The following CALHM2 variants were observed in gnomAD, a reference collection of about 807,000 sequenced individuals.
CALHM2 encodes calcium homeostasis modulator family member 2.
CALHM2 carries 18 observed loss-of-function variants against 20.4 expected under a neutral mutation model. That is an observed-to-expected ratio of 0.88 (90% confidence interval 0.61 to 1.31). CALHM2 has a LOEUF of 1.31. Among genes scored for constraint, CALHM2 ranks in the 50% most tolerant of loss-of-function variants. The probability of loss-of-function intolerance (pLI) is 0.00; values close to 1 mark genes in which losing one functional copy is unlikely to be tolerated. For missense variants in CALHM2, 411 were observed against 435.7 expected (o/e 0.94, Z 0.50); for synonymous variants, 193 against 192.1 (o/e 1.00, Z -0.04).
intron 3 of CALHM2, 94 bp from the exon 4 acceptor site, chr10:103,447,662 T>C (rs2032727651): frequency 6.4e-6 from 7 of 1,094,014 alleles, no homozygotes; most frequent in Admixed American, 2.9e-5. Context: ...TCTGCTTGGG[T>C]AAGAGAAGCA....
In CALHM2 at chr10:103,451,305, G is replaced by C. The variant is rs1197191021; in HGVS notation, c.-361-20C>G. 6.6e-6 allele frequency: 1 copy of C among 152,504 alleles called. No individual in the cohort carries two copies. Among genetic ancestry groups the C allele is most frequent in the Admixed American group, 6.5e-5 (1 of 15,282 alleles). 9.4% of individuals were successfully genotyped at this position (152,504 alleles called of 1,614,324 possible). A position where few individuals can be genotyped will look rare whatever the true frequency, so the allele number is the denominator to read the frequency against. On this transcript the variant is annotated intron_variant, in intron 1 of 3. Transcript: ENST00000260743. ...GGCAACCTGCCGGGAAGTGGCCATG[G>C]CCTCGGGCAACAGCGAAGTTTAGCC...
chr10:103,448,581 G>A (rs570140724), intron 3 of CALHM2, among the ~76,000 whole-genome samples: 1 of 151,950 alleles, frequency 6.6e-6, no homozygotes, highest in East Asian at 2.0e-4. Flanking sequence ...TTAGGTGGAT[G>A]TGGTGGCTGC....
rs145251792 is a variant in CALHM2, at chr10:103,449,592, C to T, written c.350G>A (p.Trp117Ter). 2.1e-5 allele frequency: 34 copies of T among 1,613,720 alleles called. No homozygotes were observed. The highest frequency in any genetic ancestry group is 6.7e-5 in the Admixed American group (4 of 60,006). Residue 117 changes from tryptophan to a stop codon, truncating the protein, a stop_gained, in exon 3 of 4, where the codon TGG (tryptophan) becomes TAG (stop). Coordinates refer to ENST00000260743, the MANE Select transcript of CALHM2 (RefSeq NM_015916.5). LOFTEE classifies it high-confidence loss of function. Reference sequence around the variant, plus strand: ...ACCACGCAGCAGGGAGATGACAGACCAGGTGACAGGGGCCACAGCCGCACG... The same window carrying T: ...ACCACGCAGCAGGGAGATGACAGACTAGGTGACAGGGGCCACAGCCGCACG... ...LGRAAVAPVTWSVISLLRGEA... is the reference protein window; with the variant it reads ...LGRAAVAPVT
At chr10:103,450,469 G>GC (rs143368582) in intron 2 of CALHM2, 4,301 of 167,078 alleles carry the variant, frequency 0.026, 198 homozygotes, top group African/African-American at 0.098. Context: ...TGGTGCTAAT[G>GC]CATGTGGGGT....
Position 103,449,525 on chromosome 10 carries a change from G to A in CALHM2, c.417C>T (p.Ser139=). 6.2e-7 allele frequency: 1 copy of A among 1,613,686 alleles called. No homozygotes were observed. The highest frequency in any genetic ancestry group is 1.1e-5 in the South Asian group (1 of 91,084). Residue 139 remains serine, a synonymous_variant, in exon 3 of 4, where the codon TCC becomes TCT. Coordinates refer to ENST00000260743, the MANE Select transcript of CALHM2 (RefSeq NM_015916.5). ...AGTGCTCTTCCCTGGCCGTGAGTGAGGAAGGGTCCACGAACTCACTGAGAG... is the reference window on the plus strand; with the variant it reads ...AGTGCTCTTCCCTGGCCGTGAGTGAAGAAGGGTCCACGAACTCACTGAGAG... The part of the protein sequence containing the change: ...VCALSEFVDP[S]SLTAREEHFP...
In CALHM2 at chr10:103,447,459, T is replaced by C. The variant is rs751623003; in HGVS notation, c.665A>G (p.Gln222Arg). Reference sequence around the variant, plus strand: ...CAGCTGGTCCTCATTGGCGCGGTACTGCGCCCAGTAGGCCTCCTGGCGGTA... The same window carrying C: ...CAGCTGGTCCTCATTGGCGCGGTACCGCGCCCAGTAGGCCTCCTGGCGGTA... ...LSYRQEAYWAQYRANEDQLFQ... is the reference protein window; with the variant it reads ...LSYRQEAYWARYRANEDQLFQ... The change falls in exon 4 of 4, where the codon CAG (glutamine) becomes CGG (arginine). Residue 222 changes from glutamine to arginine, a missense_variant. Physicochemically the swap from Gln to Arg is conservative, Grantham distance 43. Transcript: ENST00000260743. 83 of 1,613,980 alleles carry C rather than the reference T, an allele frequency of 5.1e-5. No individual in the cohort carries two copies. Among genetic ancestry groups the C allele is most frequent in the Non-Finnish European group, 7.0e-5 (83 of 1,179,924 alleles).
At chr10:103,447,620 T>C in intron 3 of CALHM2, 52 bp from the exon 4 acceptor site, 1 of 1,458,026 alleles carries the variant, frequency 6.9e-7, no homozygotes. Flanking sequence ...GCCTAAGCCC[T>C]ACCCCCCAGA....
In CALHM2 at chr10:103,447,580, ATG is replaced by A. The variant is rs1422308669; in HGVS notation, c.556-14_556-13del. 1 of 1,577,956 alleles carries A rather than the reference ATG, an allele frequency of 6.3e-7. No homozygotes were observed. The highest frequency in any genetic ancestry group is 8.6e-7 in the Non-Finnish European group (1 of 1,160,466). On this transcript the variant is annotated splice_polypyrimidine_tract_variant and intron_variant, in intron 3 of 3. Transcript: ENST00000260743. ...AGCCATCCAAAGAGCTGGCCAGAGA[ATG>A]GGCACAGTTCAGGAGGGGCGAGGAA...
chr10:103,449,689 CGGCCACGAG>C lies in CALHM2; in HGVS notation c.244_252del (p.Leu82_Ala84del). On this transcript the variant is annotated inframe_deletion, in exon 3 of 4. Transcript: ENST00000260743. Reference sequence around the variant, plus strand: ...TTCTTGGTCCTCCGGTGCTGGCACTCGGCCACGAGGTTCCAGGTGTGGTTGTTGAGGATG... The same window carrying C: ...TTCTTGGTCCTCCGGTGCTGGCACTCGTTCCAGGTGTGGTTGTTGAGGATG... 1 of 1,613,772 alleles carries C rather than the reference CGGCCACGAG, an allele frequency of 6.2e-7. No homozygotes were observed. Among genetic ancestry groups the C allele is most frequent in the Non-Finnish European group, 8.5e-7 (1 of 1,180,046 alleles).
At chr10:103,450,490 T>C in intron 2 of CALHM2, 1 of 159,710 alleles carries the variant, frequency 6.3e-6, no homozygotes, top group Non-Finnish European at 1.4e-5. Context: ...GCTGACCGGC[T>C]TTCCCTCTGG....
chr10:103,448,983 T>A (rs148371916), intron 3 of CALHM2, among the ~76,000 whole-genome samples: 1,579 of 152,224 alleles, frequency 0.01, 9 homozygotes, highest in Non-Finnish European at 0.016. Context: ...ACTCAGTGCT[T>A]GGCTGGGCCC....
rs2032907821 is a variant in CALHM2, at chr10:103,450,111, A to G, written c.-158-12T>C. 1 of 621,422 alleles carries G rather than the reference A, an allele frequency of 1.6e-6. No homozygotes were observed. Among genetic ancestry groups the G allele is most frequent in the Non-Finnish European group, 2.8e-6 (1 of 354,170 alleles). The allele number at this position is 621,422 out of a possible 1,614,324, so 38.5% of individuals were successfully genotyped here. ...TGGCCTGGTGTTTCCTGTGGAGCAG[A>G]TGACCGATAAGTGTTTCCCTCTGAA... is the stretch of plus-strand genomic sequence containing the variant. On this transcript the variant is annotated splice_polypyrimidine_tract_variant and intron_variant, in intron 2 of 3. Coordinates refer to ENST00000260743, the MANE Select transcript of CALHM2 (RefSeq NM_015916.5).
rs2133800355 is a variant in CALHM2 at position 103,450,051 on chromosome 10, G to C, written c.-110C>G. The C allele has an allele frequency of 2.0e-6, 2 of 977,764 alleles. No individual in the cohort carries two copies. The highest frequency in any genetic ancestry group is 4.9e-5 in the East Asian group (2 of 40,886). The allele number at this position is 977,764 out of a possible 1,614,324, so 60.6% of individuals were successfully genotyped here. ...ACAGGCTGGGAGGCGCTGGACGGCA[G>C]GGTGTGGTTGTGCTATTTTATCCCC... On this transcript the variant is annotated 5_prime_UTR_variant, in exon 3 of 4. Coordinates refer to ENST00000260743, the MANE Select transcript of CALHM2 (RefSeq NM_015916.5).
Position 103,451,675 on chromosome 10 carries a change from G to GAGGAGGAGGAGGAGGAGGAGTAGT in CALHM2, c.-361-391_-361-390insACTACTCCTCCTCCTCCTCCTCCT, listed in dbSNP as rs56662667. 6.9e-5 allele frequency: 10 copies of GAGGAGGAGGAGGAGGAGGAGTAGT among 145,494 alleles called. No individual in the cohort carries two copies. In the East Asian group the frequency reaches 1.9e-3, roughly 27 times the overall value. 9.0% of individuals were successfully genotyped at this position (145,494 alleles called of 1,614,324 possible). A position where few individuals can be genotyped will look rare whatever the true frequency, so the allele number is the denominator to read the frequency against. On this transcript the variant is annotated intron_variant, in intron 1 of 3. Transcript: ENST00000260743. The stretch of plus-strand genomic sequence containing the variant: ...GGAGGAGGAGGAGGAGGAGGAGGAG[G>GAGGAGGAGGAGGAGGAGGAGTAGT]AGTCTGATTCTTCCCCCACTTCACA...
rs772875400 is a variant in CALHM2 at position 103,449,616 on chromosome 10, C to T, written c.326G>A (p.Arg109His). The T allele has an allele frequency of 6.2e-6, 10 of 1,613,908 alleles. No homozygotes were observed. Among genetic ancestry groups the T allele is most frequent in the East Asian group, 2.2e-5 (1 of 44,886 alleles). The change falls in exon 3 of 4, where the codon CGT becomes CAT. Residue 109 changes from arginine to histidine, a missense_variant. Transcript: ENST00000260743. The stretch of plus-strand genomic sequence containing the variant: ...CCAGGTGACAGGGGCCACAGCCGCA[C>T]GTCCCAGGATGGAGCTTAGAAGGAG... ...TFLLLSSILG[R>H]AAVAPVTWSV...
Position 103,447,588 on chromosome 10 carries a change from A to G in CALHM2, c.556-20T>C, listed in dbSNP as rs773068583. 1 of 1,558,142 alleles carries G rather than the reference A, an allele frequency of 6.4e-7. No homozygotes were observed. The highest frequency in any genetic ancestry group is 1.8e-5 in the Admixed American group (1 of 55,078). ...AAAGAGCTGGCCAGAGAATGGGCAC[A>G]GTTCAGGAGGGGCGAGGAACTGCCT... is the stretch of plus-strand genomic sequence containing the variant. On this transcript the variant is annotated intron_variant, in intron 3 of 3. Transcript: ENST00000260743.
intron 3 of CALHM2, among the ~76,000 whole-genome samples, chr10:103,448,668 C>A (rs542904038): frequency 1.3e-5 from 2 of 151,744 alleles, no homozygotes; most frequent in South Asian, 2.1e-4. Flanking sequence ...CTGCGGTAAG[C>A]CAAGATCGTG....
In CALHM2 at chr10:103,447,514, A is replaced by C; in HGVS notation, c.610T>G (p.Cys204Gly). 1 of 1,611,008 alleles carries C rather than the reference A, an allele frequency of 6.2e-7. No individual in the cohort carries two copies. The highest frequency in any genetic ancestry group is 2.2e-5 in the East Asian group (1 of 44,770). ...VVAILVFLTK[C>G]LKHYCSPLSY... Reference sequence around the variant, plus strand: ...AGTGGTGAGCAGTAATGCTTGAGGCACTTGGTCAGGAACACCAGGATGGCC... The same window carrying C: ...AGTGGTGAGCAGTAATGCTTGAGGCCCTTGGTCAGGAACACCAGGATGGCC... The change falls in exon 4 of 4, where the codon TGC becomes GGC. Residue 204 changes from cysteine (C) to glycine (G), a missense_variant. Coordinates refer to ENST00000260743, the MANE Select transcript of CALHM2 (RefSeq NM_015916.5).
Position 103,447,529 on chromosome 10 carries a change from C to G in CALHM2, c.595G>C (p.Val199Leu). The change falls in exon 4 of 4, where the codon GTG becomes CTG. Residue 199 changes from valine (V) to leucine (L), a missense_variant. Val to Leu is a conservative substitution (Grantham distance 32). Coordinates refer to ENST00000260743, the MANE Select transcript of CALHM2 (RefSeq NM_015916.5). Reference sequence around the variant, plus strand: ...TGCTTGAGGCACTTGGTCAGGAACACCAGGATGGCCACCACGCCGATGAGC... The same window carrying G: ...TGCTTGAGGCACTTGGTCAGGAACAGCAGGATGGCCACCACGCCGATGAGC... ...WLLIGVVAILVFLTKCLKHYC... is the reference protein window; with the variant it reads ...WLLIGVVAILLFLTKCLKHYC... 1 of 1,607,118 alleles carries G rather than the reference C, an allele frequency of 6.2e-7. No homozygotes were observed. The highest frequency in any genetic ancestry group is 8.5e-7 in the Non-Finnish European group (1 of 1,175,296).
Sources: allele counts gnomAD v4.1 joint callset (sites outside exome capture counted in the v4.1 genomes callset), GRCh38; gene constraint gnomAD v4.1.1; transcripts MANE v1.5; gene names NCBI Gene and HGNC (gene_info 2026-07-23, HGNC 2026-07-21).